KCNQ1: variants seen among roughly 807,000 people sequenced by gnomAD.
The protein encoded by KCNQ1 is potassium voltage-gated channel subfamily KQT member 1.
In KCNQ1, 49 loss-of-function variants were observed where a neutral mutation model predicts 72.4. The ratio of observed to expected loss-of-function variants is 0.68; its 90% CI spans 0.54 to 0.86. KCNQ1 has a LOEUF of 0.86. Ranked by LOEUF, KCNQ1 falls within the 40% of genes least tolerant of loss-of-function variation. The pLI is 0.00. For missense variants in KCNQ1, 790 were observed against 945.1 expected (o/e 0.84, Z 2.15); for synonymous variants, 450 against 412.6 (o/e 1.09, Z -1.10).
In KCNQ1 at chr11:2,588,005, C is replaced by T. The variant is rs1848618914; in HGVS notation, c.1251+313C>T. ...GAGGGCCTCAGGGTTGGGCTTTCCA[C>T]ACCGGGCGCAGTGGGTGGTGAGCAG... On this transcript the variant is annotated intron_variant, in intron 9 of 15. Coordinates refer to ENST00000155840, the MANE Select transcript of KCNQ1 (RefSeq NM_000218.3). This position sits in a 1 kb window ranked among gnomAD's most constrained non-coding sequence, Gnocchi z 5.6. Among the ~76,000 whole-genome samples, 1 of 151,948 alleles carries T rather than the reference C, an allele frequency of 6.6e-6. No individual in the cohort carries two copies. The highest frequency in any genetic ancestry group is 1.9e-4 in the East Asian group (1 of 5,174).
At position 2,677,475 on chromosome 11, in the gene KCNQ1, T is replaced by C. The variant is rs1850314098; in HGVS notation, c.1514+15394T>C. The C allele has an allele frequency of 2.5e-6, 1 of 398,420 alleles. No homozygotes were observed. Among genetic ancestry groups the C allele is most frequent in the Non-Finnish European group, 4.4e-6 (1 of 226,050 alleles). The allele number at this position is 398,420 out of a possible 1,614,324, so 24.7% of individuals were successfully genotyped here. A position where few individuals can be genotyped will look rare whatever the true frequency, so the allele number is the denominator to read the frequency against. On this transcript the variant is annotated intron_variant, in intron 11 of 15. Transcript: ENST00000155840. The surrounding 1 kb of genome is among the most constrained non-coding windows in gnomAD (Gnocchi z 4.5). The stretch of plus-strand genomic sequence containing the variant: ...GCCTCTTGGTCAAGCAGTGAAACCA[T>C]GCCATACTTCTACAAAAAATGATCC...
In KCNQ1 at chr11:2,734,213, G is replaced by A. The variant is rs1048830040; in HGVS notation, c.1515-34631G>A. 1.3e-5 allele frequency among the ~76,000 whole-genome samples: 2 copies of A among 152,232 alleles called. No homozygotes were observed. Among genetic ancestry groups the A allele is most frequent in the African/African-American group, 4.8e-5 (2 of 41,460 alleles). Reference sequence around the variant, plus strand: ...AGAATAAACGAATGAACCATCCAAAGCACAGGCCAGAGGCAGATTGGGAGG... The same window carrying A: ...AGAATAAACGAATGAACCATCCAAAACACAGGCCAGAGGCAGATTGGGAGG... On this transcript the variant is annotated intron_variant, in intron 11 of 15. Transcript: ENST00000155840. The surrounding 1 kb of genome is among the most constrained non-coding windows in gnomAD (Gnocchi z 7.0).
chr11:2,751,863 G>A (rs1846231510), intron 11 of KCNQ1, among the ~76,000 whole-genome samples: 1 of 152,228 alleles, frequency 6.6e-6, no homozygotes, highest in Non-Finnish European at 1.5e-5. Flanking sequence ...CAGAACATGA[G>A]GCCCGGCCAG....
At chr11:2,751,014 G>A (rs951696388) in intron 11 of KCNQ1, among the ~76,000 whole-genome samples, 12 of 152,220 alleles carry the variant, frequency 7.9e-5, no homozygotes, top group African/African-American at 1.9e-4. Context: ...GTATTTCTTC[G>A]CTAGCTCCTT....
chr11:2,709,839 T>C (rs568616029), intron 11 of KCNQ1, among the ~76,000 whole-genome samples: 1 of 152,380 alleles, frequency 6.6e-6, no homozygotes, highest in South Asian at 2.1e-4. Context: ...TAGGGCCAAA[T>C]AATATGCCAT....
At chr11:2,790,949 A>G (rs1847009520) in intron 15 of KCNQ1, among the ~76,000 whole-genome samples, 2 of 149,728 alleles carry the variant, frequency 1.3e-5, no homozygotes, top group South Asian at 4.3e-4. Context: ...ACCCTCAGCA[A>G]TCCCCCAAGA....
At chr11:2,558,722 G>A (rs1162498966) in intron 2 of KCNQ1, among the ~76,000 whole-genome samples, 1 of 152,124 alleles carries the variant, frequency 6.6e-6, no homozygotes, top group Admixed American at 6.5e-5. Context: ...AACTCTAGTC[G>A]GCCCCCGTAA....
intron 15 of KCNQ1, among the ~76,000 whole-genome samples, chr11:2,797,259 A>AGCTCCCC (rs1289262357): frequency 6.6e-6 from 1 of 152,138 alleles, no homozygotes; most frequent in Non-Finnish European, 1.5e-5. Flanking sequence ...CCCAGCTCCC[A>AGCTCCCC]GCTCCCCAGA....
Position 2,669,047 on chromosome 11 carries a change from A to G in KCNQ1, c.1514+6966A>G, listed in dbSNP as rs1459430671. 3 of 398,556 alleles carry G rather than the reference A, an allele frequency of 7.5e-6. No homozygotes were observed. The highest frequency in any genetic ancestry group is 8.8e-6 in the Non-Finnish European group (2 of 226,108). 24.7% of individuals were successfully genotyped at this position (398,556 alleles called of 1,614,324 possible). ...GTCTAGCTCAGCACCCGGCATGGGA[A>G]GGCCCGTCCTCTCCCAACTACCCTG... On this transcript the variant is annotated intron_variant, in intron 11 of 15. Transcript: ENST00000155840. This position sits in a 1 kb window ranked among gnomAD's most constrained non-coding sequence, Gnocchi z 5.6.
chr11:2,575,903 G>C (rs1357262468), intron 6 of KCNQ1, among the ~76,000 whole-genome samples: 1 of 152,234 alleles, frequency 6.6e-6, no homozygotes, highest in South Asian at 2.1e-4. Context: ...CCCGAAGCGA[G>C]GTGTGCACAG....
At position 2,710,342 on chromosome 11, in the gene KCNQ1, T is replaced by A. The variant is rs1850982935; in HGVS notation, c.1514+48261T>A. On this transcript the variant is annotated intron_variant, in intron 11 of 15. Coordinates refer to ENST00000155840, the MANE Select transcript of KCNQ1 (RefSeq NM_000218.3). This position sits in a 1 kb window ranked among gnomAD's most constrained non-coding sequence, Gnocchi z 4.1. ...ATTGGGTTGTGTTTTTATTATTTAG[T>A]AGAGTTCTTTATAGTCTAGATATAA... Among the ~76,000 whole-genome samples the A allele has an allele frequency of 6.6e-6, 1 of 152,240 alleles. No individual in the cohort carries two copies. The highest frequency in any genetic ancestry group is 6.5e-5 in the Admixed American group (1 of 15,286).
At chr11:2,775,768 AC>A (rs1846682835) in intron 12 of KCNQ1, among the ~76,000 whole-genome samples, 191 bp from the exon 13 acceptor site, 1 of 152,094 alleles carries the variant, frequency 6.6e-6, no homozygotes, top group Non-Finnish European at 1.5e-5. Flanking sequence ...CTACCCAGAG[AC>A]CCATGGCCAA....
intron 10 of KCNQ1, chr11:2,625,803 T>A (rs1322284620): frequency 7.5e-6 from 3 of 398,158 alleles, no homozygotes; most frequent in Non-Finnish European, 1.3e-5. Context: ...TCTCCTGACT[T>A]CATGATCCTC....
chr11:2,759,593 G>A lies in KCNQ1; in HGVS notation c.1515-9251G>A, dbSNP rs761239525. Among the ~76,000 whole-genome samples the A allele has an allele frequency of 6.6e-6, 1 of 152,240 alleles. No homozygotes were observed. The highest frequency in any genetic ancestry group is 1.5e-5 in the Non-Finnish European group (1 of 68,042). ...GACACCCCAGCATGTGGGAAGGAAG[G>A]GAGCGAGCTCTTATTTCCTTATTTT... On this transcript the variant is annotated intron_variant, in intron 11 of 15. Coordinates refer to ENST00000155840, the MANE Select transcript of KCNQ1 (RefSeq NM_000218.3). This position sits in a 1 kb window ranked among gnomAD's most constrained non-coding sequence, Gnocchi z 4.4.
intron 2 of KCNQ1, among the ~76,000 whole-genome samples, chr11:2,531,624 C>A (rs557985624): frequency 6.6e-6 from 1 of 152,326 alleles, no homozygotes; most frequent in South Asian, 2.1e-4. Flanking sequence ...GGCCCTTTCA[C>A]TGCCCTGCAG....
At chr11:2,520,717 C>A (rs1057353783) in intron 1 of KCNQ1, among the ~76,000 whole-genome samples, 1 of 152,168 alleles carries the variant, frequency 6.6e-6, no homozygotes, top group East Asian at 1.9e-4. Context: ...GCAGGGGAAG[C>A]CTGTCCTCTC....
At chr11:2,672,050 C>G (rs1392731330) in intron 11 of KCNQ1, 1 of 398,574 alleles carries the variant, frequency 2.5e-6, no homozygotes, top group African/African-American at 2.1e-5. Flanking sequence ...GCACTCAAGC[C>G]CAGTATCCTC....
chr11:2,498,029 C>T lies in KCNQ1; in HGVS notation c.387-29899C>T, dbSNP rs182542720. ...GCAGAACAGCAAAGATTGCTGCCTACTCCTTCCTCTGGAAGCTTTGTCCCA... is the reference window on the plus strand; with the variant it reads ...GCAGAACAGCAAAGATTGCTGCCTATTCCTTCCTCTGGAAGCTTTGTCCCA... On this transcript the variant is annotated intron_variant, in intron 1 of 15. Transcript: ENST00000155840. The surrounding 1 kb of genome is among the most constrained non-coding windows in gnomAD (Gnocchi z 4.8). Among the ~76,000 whole-genome samples, 3 of 152,346 alleles carry T rather than the reference C, an allele frequency of 2.0e-5. No homozygotes were observed. The highest frequency in any genetic ancestry group is 2.9e-5 in the Non-Finnish European group (2 of 68,040).
Position 2,645,032 on chromosome 11 carries a change from A to G in KCNQ1, c.1394-16929A>G, listed in dbSNP as rs1018697170. 6.5e-5 allele frequency: 26 copies of G among 398,676 alleles called. No homozygotes were observed. Among genetic ancestry groups the G allele is most frequent in the African/African-American group, 5.3e-4 (26 of 48,638 alleles). 24.7% of individuals were successfully genotyped at this position (398,676 alleles called of 1,614,324 possible). A position where few individuals can be genotyped will look rare whatever the true frequency, so the allele number is the denominator to read the frequency against. On this transcript the variant is annotated intron_variant, in intron 10 of 15. Coordinates refer to ENST00000155840, the MANE Select transcript of KCNQ1 (RefSeq NM_000218.3). This position sits in a 1 kb window ranked among gnomAD's most constrained non-coding sequence, Gnocchi z 5.8. Reference sequence around the variant, plus strand: ...CCAGGGAAACCAATTTTGGGCCTCCAGGCAACTTGCTCAGGTGCCAATGAT... The same window carrying G: ...CCAGGGAAACCAATTTTGGGCCTCCGGGCAACTTGCTCAGGTGCCAATGAT...
Sources: allele counts gnomAD v4.1 joint callset (sites outside exome capture counted in the v4.1 genomes callset), GRCh38; gene constraint gnomAD v4.1.1; non-coding constraint Gnocchi (gnomAD v3.1); transcripts MANE v1.5; gene names NCBI Gene and HGNC (gene_info 2026-07-23, HGNC 2026-07-21).